The following MAK variants were observed in gnomAD, a reference collection of about 807,000 sequenced individuals.
MAK encodes serine/threonine-protein kinase MAK.
Under a neutral mutation model 82.6 loss-of-function variants are expected in MAK, and 65 were observed. The ratio of observed to expected loss-of-function variants is 0.79; its 90% CI spans 0.64 to 0.97. The LOEUF (loss-of-function observed/expected upper bound fraction) is 0.97. Ranked by LOEUF, MAK falls within the 50% of genes least tolerant of loss-of-function variation. The pLI is 0.00. For missense variants in MAK, 703 were observed against 780.2 expected (o/e 0.90, Z 1.18); for synonymous variants, 250 against 274.2 (o/e 0.91, Z 0.87).
chr6:10,772,248 G>T lies in MAK; in HGVS notation c.1672+786C>A, dbSNP rs189495785. Among the ~76,000 whole-genome samples the T allele has an allele frequency of 1.6e-4, 25 of 152,180 alleles. No homozygotes were observed. The East Asian group carries it at 4.6e-3, about 28-fold the overall frequency. On this transcript the variant is annotated intron_variant, in intron 13 of 14. Coordinates refer to ENST00000354489, the MANE Select transcript of MAK (RefSeq NM_001242957.3). ...GTACCTTGTATGCTGTGAATTTTCAGATTGCAGCCAGTTGTTAGCACTGTT... is the reference window on the plus strand; with the variant it reads ...GTACCTTGTATGCTGTGAATTTTCATATTGCAGCCAGTTGTTAGCACTGTT...
intron 4 of MAK, among the ~76,000 whole-genome samples, chr6:10,816,680 T>C (rs1777527432): frequency 6.6e-6 from 1 of 152,182 alleles, no homozygotes; most frequent in Non-Finnish European, 1.5e-5. Flanking sequence ...AGCGTTTTCA[T>C]AACCCTTATA....
rs1561971255 is a variant in MAK at position 10,802,002 on chromosome 6, A to G, written c.721T>C (p.Cys241Arg). Residue 241 changes from cysteine (C) to arginine (R), a missense_variant, in exon 8 of 15, where the codon TGT (cysteine) becomes CGT (arginine). Transcript: ENST00000354489. ...AGAGTTTTTAAGTTTATAGGAACAC[A>G]CTGGGGAAAACGGAAGTTCATAGAG... is the stretch of plus-strand genomic sequence containing the variant. ...ASSMNFRFPQ[C>R]VPINLKTLIP... 1.2e-6 allele frequency: 2 copies of G among 1,614,150 alleles called. No homozygotes were observed. Among genetic ancestry groups the G allele is most frequent in the African/African-American group, 1.3e-5 (1 of 75,040 alleles).
Position 10,764,625 on chromosome 6 carries a change from G to A in MAK, c.1793-19C>T, listed in dbSNP as rs1355362172. The A allele has an allele frequency of 1.9e-6, 3 of 1,612,274 alleles. No individual in the cohort carries two copies. Among genetic ancestry groups the A allele is most frequent in the Non-Finnish European group, 2.5e-6 (3 of 1,178,824 alleles). On this transcript the variant is annotated intron_variant, in intron 14 of 14. Transcript: ENST00000354489. ...GTATATTCTGAAAGAAATCAGATTT[G>A]GAAAACAGGGTTTTACTCATTTGCT... is the stretch of plus-strand genomic sequence containing the variant.
rs3064109 is a variant in MAK, at chr6:10,815,912, G to GTATATATATATATA, written c.278+1924_278+1937dup. Among the ~76,000 whole-genome samples the GTATATATATATATA allele has an allele frequency of 1.3e-3, 145 of 108,264 alleles. 2 individuals are homozygous for GTATATATATATATA. The highest frequency in any genetic ancestry group is 3.1e-3 in the African/African-American group (68 of 21,814). The allele number at this position is 108,264 out of a possible 152,430, so 71.0% of individuals were successfully genotyped here. On this transcript the variant is annotated intron_variant, in intron 4 of 14. Transcript: ENST00000354489. ...TACTGTATTAGTGTAGCTTTATACA[G>GTATATATATATATA]TATATATATATATATATATATATAT...
At chr6:10,772,429 C>T (rs1237004240) in intron 13 of MAK, among the ~76,000 whole-genome samples, 4 of 151,792 alleles carry the variant, frequency 2.6e-5, no homozygotes, top group South Asian at 2.1e-4. Flanking sequence ...CTGCAACCTC[C>T]GCCTCCCGGG....
intron 8 of MAK, among the ~76,000 whole-genome samples, chr6:10,797,042 A>C (rs1319739942): frequency 6.6e-6 from 1 of 152,136 alleles, no homozygotes; most frequent in Non-Finnish European, 1.5e-5. Context: ...TTCCATATAG[A>C]TTATTTGAAA....
intron 2 of MAK, among the ~76,000 whole-genome samples, chr6:10,830,127 G>A (rs1253291302): frequency 2.3e-4 from 8 of 34,730 alleles, no homozygotes; most frequent in Non-Finnish European, 2.7e-4. Context: ...GTGTGCACGT[G>A]TGTGTGTGTG....
At chr6:10,780,287 A>T (rs1773840852) in intron 11 of MAK, 2 of 979,136 alleles carry the variant, frequency 2.0e-6, no homozygotes, top group African/African-American at 3.5e-5. Context: ...GAAATGATCA[A>T]ACAGGTCTCA....
intron 11 of MAK, among the ~76,000 whole-genome samples, chr6:10,782,659 A>G (rs1581666094): frequency 6.8e-6 from 1 of 147,986 alleles, no homozygotes; most frequent in Non-Finnish European, 1.5e-5. Context: ...GCTCACTGCA[A>G]CCTCCACCTC....
At chr6:10,777,235 T>C (rs528711) in intron 11 of MAK, among the ~76,000 whole-genome samples, 124,002 of 151,860 alleles carry the variant, frequency 0.82, 51,082 homozygotes, top group African/African-American at 0.93. Context: ...GGTGAGACCC[T>C]GTCTCTACTA....
intron 8 of MAK, among the ~76,000 whole-genome samples, chr6:10,798,798 CATTA>C (rs760284806): frequency 8.3e-5 from 12 of 145,246 alleles, no homozygotes; most frequent in African/African-American, 2.6e-4. Context: ...AGTTTAGAAA[CATTA>C]TTTATTTATT....
At chr6:10,820,562 A>G (rs187111456) in intron 2 of MAK, among the ~76,000 whole-genome samples, 1 of 152,320 alleles carries the variant, frequency 6.6e-6, no homozygotes, top group East Asian at 1.9e-4. Flanking sequence ...TTCAGCACTC[A>G]ATAACTACTA....
At chr6:10,834,142 T>C (rs1779000143) in intron 1 of MAK, among the ~76,000 whole-genome samples, 8 of 152,236 alleles carry the variant, frequency 5.3e-5, no homozygotes. Context: ...CACCAGCATA[T>C]TCAATTGCTG....
At chr6:10,830,444 A>G (rs1297481978) in intron 2 of MAK, 104 bp downstream of exon 2, 8 of 952,288 alleles carry the variant, frequency 8.4e-6, no homozygotes, top group South Asian at 6.6e-5. Flanking sequence ...GATTACAGGC[A>G]TGAGCCACCG....
intron 11 of MAK, among the ~76,000 whole-genome samples, chr6:10,781,099 G>T (rs896574446): frequency 1.3e-5 from 2 of 152,072 alleles, no homozygotes; most frequent in African/African-American, 2.4e-5. Flanking sequence ...TCCTCTACAC[G>T]CAAACCTGCT....
In MAK at chr6:10,830,226, C is replaced by T. The variant is rs181357322; in HGVS notation, c.101+322G>A. ...TATCACCCAGGCTGGAGTGCGGTGG[C>T]GCGATCTCAGCTCACTGCAACTTCC... is the stretch of plus-strand genomic sequence containing the variant. On this transcript the variant is annotated intron_variant, in intron 2 of 14. Transcript: ENST00000354489. 8.3e-3 allele frequency among the ~76,000 whole-genome samples: 1,219 copies of T among 147,540 alleles called. 15 individuals are homozygous for T. Among genetic ancestry groups the T allele is most frequent in the African/African-American group, 0.029 (1,155 of 39,902 alleles).
intron 2 of MAK, among the ~76,000 whole-genome samples, chr6:10,824,070 T>C (rs1316096770): frequency 6.6e-6 from 1 of 152,162 alleles, no homozygotes; most frequent in African/African-American, 2.4e-5. Flanking sequence ...TATCCCTCTA[T>C]ATCGGGCTTT....
intron 4 of MAK, among the ~76,000 whole-genome samples, chr6:10,814,020 A>G (rs1581740268): frequency 6.6e-6 from 1 of 151,752 alleles, no homozygotes; most frequent in Admixed American, 6.6e-5. Context: ...CACAGGCTGG[A>G]GTGCAGTGGC....
chr6:10,821,708 G>A (rs890961551), intron 2 of MAK, among the ~76,000 whole-genome samples: 13 of 152,138 alleles, frequency 8.5e-5, no homozygotes, highest in African/African-American at 2.7e-4. Flanking sequence ...GCTGGTGTGC[G>A]CCTGTAGTCC....
Sources: allele counts gnomAD v4.1 joint callset (sites outside exome capture counted in the v4.1 genomes callset), GRCh38; gene constraint gnomAD v4.1.1; transcripts MANE v1.5; gene names NCBI Gene and HGNC (gene_info 2026-07-23, HGNC 2026-07-21).